The following ZC3H8 variants were observed in gnomAD, a reference collection of about 807,000 sequenced individuals.
ZC3H8 encodes zinc finger CCCH-type containing 8.
In ZC3H8, 27 loss-of-function variants were observed where a neutral mutation model predicts 42.5. The observed-to-expected ratio is 0.64, with a 90% CI of 0.47 to 0.88. ZC3H8 has a LOEUF of 0.88. Ranked by LOEUF, ZC3H8 falls within the 40% of genes least tolerant of loss-of-function variation. The pLI is 0.00. For missense variants in ZC3H8, 277 were observed against 336.1 expected (o/e 0.82, Z 1.37); for synonymous variants, 101 against 110.1 (o/e 0.92, Z 0.52).
chr2:112,250,901 T>C (rs1389879170), intron 1 of ZC3H8, among the ~76,000 whole-genome samples: 1 of 152,184 alleles, frequency 6.6e-6, no homozygotes, highest in Non-Finnish European at 1.5e-5. Flanking sequence ...AAAGAAAAAC[T>C]GTTTTCAGAC....
In ZC3H8 at chr2:112,215,211, A is replaced by AT. The variant is rs905863700; in HGVS notation, c.*1272dup. ...AAGCATTCCTATTTATTCCCTTTCT[A>AT]TGCAATGAATTGCATTATCCACTGT... On this transcript the variant is annotated 3_prime_UTR_variant, in exon 9 of 9. Transcript: ENST00000409573. 7.2e-5 allele frequency: 11 copies of AT among 152,206 alleles called. No homozygotes were observed. The highest frequency in any genetic ancestry group is 6.2e-4 in the South Asian group (3 of 4,836). The allele number at this position is 152,206 out of a possible 1,614,324, so 9.4% of individuals were successfully genotyped here.
chr2:112,220,625 C>G (rs914276759), intron 8 of ZC3H8, among the ~76,000 whole-genome samples: 1 of 152,050 alleles, frequency 6.6e-6, no homozygotes, highest in African/African-American at 2.4e-5. Flanking sequence ...AGTTCAAGAC[C>G]AGCCTGACCA....
chr2:112,228,412 GA>G (rs1167507120), intron 8 of ZC3H8, among the ~76,000 whole-genome samples: 2 of 151,350 alleles, frequency 1.3e-5, no homozygotes, highest in Admixed American at 1.3e-4. Flanking sequence ...TGAGGCATGA[GA>G]ATCACTTGAA....
chr2:112,250,166 T>TA, intron 2 of ZC3H8, 25 bp downstream of exon 2: 1 of 1,525,562 alleles, frequency 6.6e-7, no homozygotes, highest in Non-Finnish European at 8.8e-7. Flanking sequence ...GTTTTCAACT[T>TA]AAACAGTGGT....
intron 2 of ZC3H8, among the ~76,000 whole-genome samples, chr2:112,242,202 C>T (rs1019620236): frequency 6.6e-6 from 1 of 152,178 alleles, no homozygotes; most frequent in Non-Finnish European, 1.5e-5. Context: ...GGGCAAAATC[C>T]GCTCTGCCAC....
intron 7 of ZC3H8, among the ~76,000 whole-genome samples, chr2:112,231,170 C>G (rs1685073334): frequency 6.6e-6 from 1 of 152,134 alleles, no homozygotes; most frequent in South Asian, 2.1e-4. Flanking sequence ...GGTACAACTT[C>G]TAATTCCACA....
Position 112,238,467 on chromosome 2 carries a change from T to C in ZC3H8, c.218A>G (p.Tyr73Cys), listed in dbSNP as rs61762973. The C allele has an allele frequency of 1.9e-4, 302 of 1,613,006 alleles. 2 individuals carry two copies. The highest frequency in any genetic ancestry group is 2.2e-4 in the Non-Finnish European group (265 of 1,179,848). Reference sequence around the variant, plus strand: ...GATATCATTATCACTATATACATCATAGTCCTTACTTCTTGATTTTCTATG... The same window carrying C: ...GATATCATTATCACTATATACATCACAGTCCTTACTTCTTGATTTTCTATG... ...SLHRKSRSKDYDVYSDNDICS... is the reference protein window; with the variant it reads ...SLHRKSRSKDCDVYSDNDICS... Residue 73 changes from tyrosine (Y) to cysteine (C), a missense_variant, in exon 3 of 9, where the codon TAT becomes TGT. Transcript: ENST00000409573.
At chr2:112,230,269 G>C (rs931570291) in intron 8 of ZC3H8, among the ~76,000 whole-genome samples, 4 of 152,240 alleles carry the variant, frequency 2.6e-5, no homozygotes, top group African/African-American at 9.6e-5. Flanking sequence ...CAGTTTGTAG[G>C]AGTATAAACT....
chr2:112,244,733 G>A (rs1411153470), intron 2 of ZC3H8, among the ~76,000 whole-genome samples: 3 of 152,186 alleles, frequency 2.0e-5, no homozygotes, highest in Admixed American at 2.0e-4. Flanking sequence ...CGTTACTATT[G>A]TAATTTTTGA....
chr2:112,225,021 C>T (rs1473102714), intron 8 of ZC3H8, among the ~76,000 whole-genome samples: 1 of 151,988 alleles, frequency 6.6e-6, no homozygotes. Flanking sequence ...TAATTTATTC[C>T]TGTTTTATTC....
At chr2:112,221,388 C>T (rs746897700) in intron 8 of ZC3H8, among the ~76,000 whole-genome samples, 1 of 152,164 alleles carries the variant, frequency 6.6e-6, no homozygotes, top group Non-Finnish European at 1.5e-5. Context: ...ATGCTGGCTC[C>T]TCATTCACCT....
intron 1 of ZC3H8, among the ~76,000 whole-genome samples, chr2:112,254,287 C>G (rs1401317487): frequency 6.6e-6 from 1 of 152,200 alleles, no homozygotes; most frequent in Non-Finnish European, 1.5e-5. Context: ...AAAATATAAT[C>G]TACAAATTAG....
chr2:112,246,448 G>A (rs1370288428), intron 2 of ZC3H8, among the ~76,000 whole-genome samples: 5 of 152,222 alleles, frequency 3.3e-5, no homozygotes, highest in South Asian at 2.1e-4. Flanking sequence ...AAGAACATTC[G>A]TGATTCATGG....
intron 8 of ZC3H8, among the ~76,000 whole-genome samples, chr2:112,223,920 A>T (rs1204334649): frequency 6.6e-6 from 1 of 152,204 alleles, no homozygotes; most frequent in Non-Finnish European, 1.5e-5. Flanking sequence ...AGGCAGGTGG[A>T]TCATTTGAGG....
chr2:112,232,677 A>G (rs772730126), intron 6 of ZC3H8, among the ~76,000 whole-genome samples: 5 of 152,218 alleles, frequency 3.3e-5, no homozygotes, highest in Non-Finnish European at 5.9e-5. Context: ...TATAACTTCA[A>G]TATTTTCTAG....
chr2:112,247,735 T>C (rs1018427841), intron 2 of ZC3H8, among the ~76,000 whole-genome samples: 1 of 152,236 alleles, frequency 6.6e-6, no homozygotes, highest in Non-Finnish European at 1.5e-5. Context: ...GCAGAAACTA[T>C]GTAAGACAGT....
chr2:112,220,782 T>C (rs1573882707), intron 8 of ZC3H8, among the ~76,000 whole-genome samples: 3 of 152,164 alleles, frequency 2.0e-5, no homozygotes, highest in Admixed American at 6.6e-5. Flanking sequence ...GATCGTGCCA[T>C]TGCACTTCAG....
intron 2 of ZC3H8, among the ~76,000 whole-genome samples, chr2:112,244,888 G>A (rs542386908): frequency 2.0e-5 from 3 of 152,094 alleles, no homozygotes; most frequent in South Asian, 4.1e-4. Flanking sequence ...GAGACACTAA[G>A]ATACTGAAAT....
chr2:112,250,027 T>C (rs544340138), intron 2 of ZC3H8, 164 bp downstream of exon 2: 20 of 452,032 alleles, frequency 4.4e-5, no homozygotes, highest in African/African-American at 3.2e-4. Flanking sequence ...TTTTCTTTGA[T>C]ATAAGTAACT....
Sources: gnomAD v4.1 joint callset for allele counts (sites outside exome capture counted in the v4.1 genomes callset) on GRCh38, gnomAD v4.1.1 for gene constraint, MANE v1.5 for transcripts, NCBI Gene and HGNC (gene_info 2026-07-23, HGNC 2026-07-21) for gene names.